BRAF: variants seen among roughly 807,000 people sequenced by gnomAD.
The protein encoded by BRAF is serine/threonine-protein kinase B-raf.
BRAF carries 16 observed loss-of-function variants against 104.6 expected under a neutral mutation model. The observed-to-expected ratio is 0.15, with a 90% CI of 0.10 to 0.23. BRAF has a LOEUF of 0.23. Among genes scored for constraint, BRAF ranks in the 10% least tolerant of loss-of-function variants. BRAF has a pLI of 1.00. For synonymous variants in BRAF, 310 were observed against 341.6 expected (o/e 0.91, Z 1.02); for missense variants, 541 against 937.3 (o/e 0.58, Z 5.52).
At chr7:140,790,836 G>A (rs1801873194) in intron 8 of BRAF, among the ~76,000 whole-genome samples, 1 of 152,202 alleles carries the variant, frequency 6.6e-6, no homozygotes, top group Non-Finnish European at 1.5e-5. Flanking sequence ...GCTGGGTGCA[G>A]TGGCTCACGC....
At chr7:140,873,342 G>T (rs1811834592) in intron 1 of BRAF, among the ~76,000 whole-genome samples, 2 of 152,048 alleles carry the variant, frequency 1.3e-5, no homozygotes, top group Non-Finnish European at 2.9e-5. Flanking sequence ...AGCTATTTTT[G>T]TATCTTTAGT....
chr7:140,740,271 T>A, intron 17 of BRAF: 1 of 218,424 alleles, frequency 4.6e-6, no homozygotes, highest in Non-Finnish European at 9.0e-6. Context: ...TCTTCTTTAC[T>A]TTAAAAAAAA....
In BRAF at chr7:140,725,068, G is replaced by C. The variant is rs1171331153; in HGVS notation, c.*1426C>G. 6 of 1,046,072 alleles carry C rather than the reference G, an allele frequency of 5.7e-6. No homozygotes were observed. The East Asian group carries it at 3.4e-4, about 59-fold the overall frequency. The allele number at this position is 1,046,072 out of a possible 1,614,324, so 64.8% of individuals were successfully genotyped here. A position where few individuals can be genotyped will look rare whatever the true frequency, so the allele number is the denominator to read the frequency against. ...TATCCCTAAAATTGCTCTATTCTCT[G>C]TCTGGGAATTCAGCTGCCAAATTGC... On this transcript the variant is annotated 3_prime_UTR_variant, in exon 20 of 20. Coordinates refer to ENST00000644969, the MANE Select transcript of BRAF (RefSeq NM_001374258.1).
chr7:140,879,171 C>A (rs536822721), intron 1 of BRAF, among the ~76,000 whole-genome samples: 26 of 152,110 alleles, frequency 1.7e-4, no homozygotes, highest in African/African-American at 6.3e-4. Context: ...AGCCACCACG[C>A]CTGGCCATAA....
At chr7:140,843,292 T>A (rs1021361322) in intron 2 of BRAF, among the ~76,000 whole-genome samples, 10 of 152,172 alleles carry the variant, frequency 6.6e-5, no homozygotes, top group Admixed American at 4.6e-4. Context: ...GCTTTCTGCT[T>A]TGAGGAGTTG....
At chr7:140,800,075 AG>A (rs1182342962) in intron 7 of BRAF, 2 of 454,904 alleles carry the variant, frequency 4.4e-6, no homozygotes, top group Non-Finnish European at 8.1e-6. Flanking sequence ...CTAATTAACC[AG>A]GAGATCCAAA....
chr7:140,833,944 G>T (rs1243061377), intron 3 of BRAF: 3 of 150,998 alleles, frequency 2.0e-5, no homozygotes, highest in Non-Finnish European at 4.4e-5. Context: ...TGTTGTCAGA[G>T]AAAAAAAATG....
chr7:140,859,130 T>C (rs1437834436), intron 1 of BRAF, among the ~76,000 whole-genome samples: 1 of 152,212 alleles, frequency 6.6e-6, no homozygotes, highest in Non-Finnish European at 1.5e-5. Flanking sequence ...CCCAAAACTT[T>C]TGTGACGGAA....
chr7:140,836,780 C>T (rs1246054339), intron 2 of BRAF, among the ~76,000 whole-genome samples: 2 of 152,154 alleles, frequency 1.3e-5, no homozygotes, highest in Non-Finnish European at 2.9e-5. Flanking sequence ...GCTCAGACTA[C>T]AACCACACAT....
In BRAF at chr7:140,816,633, T is replaced by C. The variant is rs552243680; in HGVS notation, c.505-7638A>G. Among the ~76,000 whole-genome samples the C allele has an allele frequency of 2.6e-5, 4 of 152,276 alleles. No homozygotes were observed. In the East Asian group the frequency reaches 7.7e-4, roughly 29 times the overall value. ...GGATTAATGCCAATCAACAGATATT[T>C]GTTTACAAACCCCAGGGTATGTAAA... On this transcript the variant is annotated intron_variant, in intron 3 of 19. Transcript: ENST00000644969.
chr7:140,922,721 A>G (rs73502789), intron 1 of BRAF, among the ~76,000 whole-genome samples: 3,889 of 152,306 alleles, frequency 0.026, 177 homozygotes, highest in African/African-American at 0.088. Flanking sequence ...TGTGACCCCT[A>G]GTATTTATCC....
At chr7:140,717,266 G>C (rs1274650843), downstream of BRAF, among the ~76,000 whole-genome samples, 1 of 152,010 alleles carries the variant, frequency 6.6e-6, no homozygotes, top group East Asian at 1.9e-4. Context: ...GCAACTGATA[G>C]GAGAGGAGTT....
At position 140,719,634 on chromosome 7, in the gene BRAF, A is replaced by G. The variant is rs1346676621; in HGVS notation, c.*6860T>C. 9.4e-7 allele frequency: 1 copy of G among 1,063,162 alleles called. No individual in the cohort carries two copies. The highest frequency in any genetic ancestry group is 1.1e-6 in the Non-Finnish European group (1 of 877,736). 65.9% of individuals were successfully genotyped at this position (1,063,162 alleles called of 1,614,324 possible). On this transcript the variant is annotated 3_prime_UTR_variant, in exon 20 of 20. Transcript: ENST00000644969. ...GGGGGAGAATTAAAAAAAATAATAA[A>G]AGATTCAAGCAAACATTGAGAATAG...
At chr7:140,826,176 T>C (rs1806025594) in intron 3 of BRAF, among the ~76,000 whole-genome samples, 1 of 152,216 alleles carries the variant, frequency 6.6e-6, no homozygotes, top group South Asian at 2.1e-4. Context: ...TGAATTTCTA[T>C]GTGACATTTA....
rs561584387 is a variant in BRAF, at chr7:140,834,321, G to A, written c.504+288C>T. 1.3e-5 allele frequency: 7 copies of A among 551,116 alleles called. No individual in the cohort carries two copies. The South Asian group carries it at 1.5e-4, about 12-fold the overall frequency. The allele number at this position is 551,116 out of a possible 1,614,324, so 34.1% of individuals were successfully genotyped here. On this transcript the variant is annotated intron_variant, in intron 3 of 19. Transcript: ENST00000644969. ...CACATTAGATAATGAACAAGCTCAA[G>A]TCTTAAAATCCTGATTTATTTTAAA...
At chr7:140,862,815 C>T (rs553422670) in intron 1 of BRAF, among the ~76,000 whole-genome samples, 37 of 152,198 alleles carry the variant, frequency 2.4e-4, no homozygotes, top group African/African-American at 8.9e-4. Flanking sequence ...GGCTATACAA[C>T]TCTATGAATA....
Position 140,807,858 on chromosome 7 carries a change from T to C in BRAF, c.711+102A>G. 3.4e-6 allele frequency: 3 copies of C among 873,042 alleles called. No individual in the cohort carries two copies. In the East Asian group the frequency reaches 8.0e-5, roughly 23 times the overall value. 54.1% of individuals were successfully genotyped at this position (873,042 alleles called of 1,614,324 possible). On this transcript the variant is annotated intron_variant, in intron 5 of 19. Transcript: ENST00000644969. ...GATTTCAACTCAGGTAAAATGTCAG[T>C]TCCAAAATTACTCATCCATATTTCA... is the stretch of plus-strand genomic sequence containing the variant.
chr7:140,814,197 A>T (rs1307297182), intron 3 of BRAF, among the ~76,000 whole-genome samples: 2 of 152,228 alleles, frequency 1.3e-5, no homozygotes, highest in African/African-American at 4.8e-5. Context: ...CCTATCTTAA[A>T]AAGGAGCCAG....
intron 1 of BRAF, among the ~76,000 whole-genome samples, chr7:140,855,062 T>TA (rs1809626408): frequency 1.3e-5 from 2 of 151,882 alleles, no homozygotes; most frequent in African/African-American, 4.8e-5. Flanking sequence ...ATCCGAAGAA[T>TA]AAAAAAAAGT....
Sources: allele counts gnomAD v4.1 joint callset (sites outside exome capture counted in the v4.1 genomes callset), GRCh38; gene constraint gnomAD v4.1.1; transcripts MANE v1.5; gene names NCBI Gene and HGNC (gene_info 2026-07-23, HGNC 2026-07-21).